The following DLGAP1 variants were observed in gnomAD, a reference collection of about 807,000 sequenced individuals.
DLGAP1 encodes the protein DLG associated protein 1.
In DLGAP1, 11 loss-of-function variants were observed where a neutral mutation model predicts 90.8. The ratio of observed to expected loss-of-function variants is 0.12; its 90% CI spans 0.08 to 0.20. DLGAP1 has a LOEUF of 0.20. Among genes scored for constraint, DLGAP1 ranks in the 10% least tolerant of loss-of-function variants. DLGAP1 has a pLI of 1.00. For missense variants in DLGAP1, 1,050 were observed against 1,333.8 expected, an observed-to-expected ratio of 0.79 and a Z score of 3.31; for synonymous variants, 558 against 540.7, an observed-to-expected ratio of 1.03 and a Z score of -0.44.
Position 3,997,240 on chromosome 18 carries a change from G to C in DLGAP1, c.-73+7876C>G, listed in dbSNP as rs1685531143. Among the ~76,000 whole-genome samples, 2 of 106,666 alleles carry C rather than the reference G, an allele frequency of 1.9e-5. 1 individual carries two copies. Among genetic ancestry groups the C allele is most frequent in the Admixed American group, 2.1e-4 (2 of 9,486 alleles). 70.0% of individuals were successfully genotyped at this position (106,666 alleles called of 152,430 possible). A position where few individuals can be genotyped will look rare whatever the true frequency, so the allele number is the denominator to read the frequency against. ...AATTATCTCCTAATTTACAAAAACT[G>C]AAATGAAAAGGAACTACTAAATCAT... On this transcript the variant is annotated intron_variant, in intron 3 of 12. Transcript: ENST00000315677.
At chr18:4,442,436 A>G (rs960145411) in intron 1 of DLGAP1, among the ~76,000 whole-genome samples, 2 of 152,358 alleles carry the variant, frequency 1.3e-5, no homozygotes, top group East Asian at 3.9e-4. Context: ...CAGAAATACA[A>G]GTTTGTAGAA....
chr18:3,847,279 A>G (rs986110279), intron 4 of DLGAP1, among the ~76,000 whole-genome samples: 8 of 152,214 alleles, frequency 5.3e-5, no homozygotes, highest in Admixed American at 2.6e-4. Context: ...TTTATATAAC[A>G]CATTCTACAC....
chr18:4,338,880 T>C (rs567369596), intron 1 of DLGAP1, among the ~76,000 whole-genome samples: 48 of 152,204 alleles, frequency 3.2e-4, no homozygotes, highest in Non-Finnish European at 6.2e-4. Context: ...TGGCCTATTA[T>C]TATAGCGGAC....
intron 3 of DLGAP1, among the ~76,000 whole-genome samples, chr18:3,958,711 C>T (rs2073133957): frequency 6.6e-6 from 1 of 151,592 alleles, no homozygotes; most frequent in Non-Finnish European, 1.5e-5. Flanking sequence ...AGCATTATTC[C>T]TCTTACCTGG....
chr18:3,894,522 GGTTTT>G (rs2071564292), intron 3 of DLGAP1, among the ~76,000 whole-genome samples: 1 of 152,018 alleles, frequency 6.6e-6, no homozygotes, highest in South Asian at 2.1e-4. Context: ...GTTGTTTCTG[GGTTTT>G]GTTTTTTGTT....
intron 7 of DLGAP1, among the ~76,000 whole-genome samples, chr18:3,594,738 A>G (rs2056480848): frequency 6.6e-6 from 1 of 152,104 alleles, no homozygotes; most frequent in Non-Finnish European, 1.5e-5. Context: ...AGCCTTTTCC[A>G]CCCAATCTCT....
intron 1 of DLGAP1, among the ~76,000 whole-genome samples, chr18:4,278,640 A>G (rs2079473909): frequency 6.6e-6 from 1 of 152,066 alleles, no homozygotes; most frequent in East Asian, 1.9e-4. Context: ...GTTGGATAGT[A>G]TTCCATGGTG....
chr18:3,897,784 T>TA (rs2071664583), intron 3 of DLGAP1, among the ~76,000 whole-genome samples: 1 of 130,380 alleles, frequency 7.7e-6, no homozygotes, highest in Non-Finnish European at 1.6e-5. Flanking sequence ...TCTGATTTTT[T>TA]TTTTTTTTTT....
intron 1 of DLGAP1, among the ~76,000 whole-genome samples, chr18:4,302,707 T>C (rs1400182471): frequency 6.6e-6 from 1 of 152,156 alleles, no homozygotes; most frequent in Non-Finnish European, 1.5e-5. Context: ...TTGGGAATTT[T>C]TGTGGTTCCA....
At chr18:3,586,212 C>T (rs956839475) in intron 7 of DLGAP1, among the ~76,000 whole-genome samples, 3 of 152,184 alleles carry the variant, frequency 2.0e-5, no homozygotes, top group African/African-American at 7.2e-5. Context: ...AGATCCCCCC[C>T]AACTTCGAAT....
intron 3 of DLGAP1, among the ~76,000 whole-genome samples, chr18:3,907,907 T>C (rs576896606): frequency 1.3e-5 from 2 of 152,326 alleles, no homozygotes; most frequent in African/African-American, 4.8e-5. Context: ...ATCAAATATT[T>C]ATCTAAAAGA....
rs187046374 is a variant in DLGAP1 at position 3,734,469 on chromosome 18, T to A, written c.1351-5094A>T. Among the ~76,000 whole-genome samples the A allele has an allele frequency of 2.0e-4, 30 of 152,048 alleles. No homozygotes were observed. In the East Asian group the frequency reaches 4.4e-3, roughly 22 times the overall value. On this transcript the variant is annotated intron_variant, in intron 6 of 12. Coordinates refer to ENST00000315677, the MANE Select transcript of DLGAP1 (RefSeq NM_004746.4). ...CCTTCCTTTCTAGTTCCTTTTTTTT[T>A]AGTGTATTTTTACCTTTTTGTAGAT...
chr18:3,644,330 C>T (rs1489276900), intron 7 of DLGAP1, among the ~76,000 whole-genome samples: 1 of 152,122 alleles, frequency 6.6e-6, no homozygotes, highest in Non-Finnish European at 1.5e-5. Context: ...TCTTTGACCT[C>T]GTAACTCCAC....
At chr18:3,768,083 G>A (rs1467163471) in intron 5 of DLGAP1, among the ~76,000 whole-genome samples, 1 of 151,998 alleles carries the variant, frequency 6.6e-6, no homozygotes, top group East Asian at 1.9e-4. Context: ...AAAAACTTCT[G>A]GAACTAAGTG....
chr18:4,434,299 C>T (rs1054659921), intron 1 of DLGAP1, among the ~76,000 whole-genome samples: 3 of 152,038 alleles, frequency 2.0e-5, no homozygotes, highest in East Asian at 1.9e-4. Context: ...TGTGTTGTAG[C>T]GTCCCCTAAG....
At chr18:3,618,904 A>C (rs1005972099) in intron 7 of DLGAP1, among the ~76,000 whole-genome samples, 1 of 149,840 alleles carries the variant, frequency 6.7e-6, no homozygotes, top group Admixed American at 6.7e-5. Flanking sequence ...GTGTCACTGC[A>C]CTCCAGCCTG....
intron 1 of DLGAP1, among the ~76,000 whole-genome samples, chr18:4,234,269 C>T (rs1223880962): frequency 6.6e-6 from 1 of 152,070 alleles, no homozygotes; most frequent in African/African-American, 2.4e-5. Flanking sequence ...TGCACTAAAA[C>T]TCAATTTTAA....
At chr18:3,613,265 C>A (rs1464912245) in intron 7 of DLGAP1, among the ~76,000 whole-genome samples, 1 of 152,166 alleles carries the variant, frequency 6.6e-6, no homozygotes, top group East Asian at 1.9e-4. Context: ...GATATAAAAC[C>A]CTTCTCAGGA....
At chr18:3,815,491 T>C (rs2067061920) in intron 4 of DLGAP1, among the ~76,000 whole-genome samples, 1 of 152,202 alleles carries the variant, frequency 6.6e-6, no homozygotes, top group Non-Finnish European at 1.5e-5. Context: ...ACTTACCTGG[T>C]GTAGCTACTA....
Sources: gnomAD v4.1 joint callset for allele counts (sites outside exome capture counted in the v4.1 genomes callset) on GRCh38, gnomAD v4.1.1 for gene constraint, MANE v1.5 for transcripts, NCBI Gene and HGNC (gene_info 2026-07-23, HGNC 2026-07-21) for gene names.